MYO9B: variants seen among roughly 807,000 people sequenced by gnomAD.
MYO9B encodes the protein myosin IXB.
Under a neutral mutation model 229.5 loss-of-function variants are expected in MYO9B, and 71 were observed. The ratio of observed to expected loss-of-function variants is 0.31; its 90% CI spans 0.26 to 0.38. The LOEUF (loss-of-function observed/expected upper bound fraction) is 0.38. Among genes scored for constraint, MYO9B ranks in the 10% least tolerant of loss-of-function variants. The pLI, the probability that MYO9B is intolerant of heterozygous loss-of-function variation, is 1.00. For synonymous variants in MYO9B, 1,185 were observed against 1,235.8 expected, an observed-to-expected ratio of 0.96 and a Z score of 0.86; for missense variants, 2,255 against 2,920.5, an observed-to-expected ratio of 0.77 and a Z score of 5.25.
chr19:17,172,976 G>T lies in MYO9B; in HGVS notation c.2140+13G>T, dbSNP rs746386593. On this transcript the variant is annotated intron_variant, in intron 13 of 39. Transcript: ENST00000682292. This position sits in a 1 kb window ranked among gnomAD's most constrained non-coding sequence, Gnocchi z 8.2. Reference sequence around the variant, plus strand: ...GAAAAGGCTGCAGGTGGGAGCTGGGGCGTGAACCCACAAAAGCGTCACTGT... The same window carrying T: ...GAAAAGGCTGCAGGTGGGAGCTGGGTCGTGAACCCACAAAAGCGTCACTGT... 1 of 1,595,478 alleles carries T rather than the reference G, an allele frequency of 6.3e-7. No homozygotes were observed. The highest frequency in any genetic ancestry group is 8.5e-7 in the Non-Finnish European group (1 of 1,178,100).
chr19:17,207,040 G>T (rs1451194740), intron 34 of MYO9B, 73 bp from the exon 35 acceptor site: 2 of 1,562,936 alleles, frequency 1.3e-6, no homozygotes, highest in South Asian at 2.3e-5. Flanking sequence ...GGGCTCAGAA[G>T]TTCAGTCTCG....
At chr19:17,100,110 C>T (rs1478245171) in intron 1 of MYO9B, among the ~76,000 whole-genome samples, 3 of 142,622 alleles carry the variant, frequency 2.1e-5, no homozygotes, top group Admixed American at 7.1e-5. Context: ...CAACAAAGAG[C>T]GAAACTCCAT....
intron 2 of MYO9B, among the ~76,000 whole-genome samples, chr19:17,143,246 A>C (rs963858837): frequency 4.0e-5 from 6 of 151,002 alleles, no homozygotes; most frequent in Non-Finnish European, 8.9e-5. Context: ...TCAAAAAAAA[A>C]ACAAACAAAC....
intron 14 of MYO9B, among the ~76,000 whole-genome samples, chr19:17,179,848 G>A (rs1208926825): frequency 1.3e-5 from 2 of 150,090 alleles, no homozygotes; most frequent in Admixed American, 1.3e-4. Context: ...GCAGTGAGCT[G>A]AGATCGCACC....
At position 17,102,203 on chromosome 19, in the gene MYO9B, C is replaced by T. The variant is rs1474376655; in HGVS notation, c.486C>T (p.Leu162=). 3 of 1,613,998 alleles carry T rather than the reference C, an allele frequency of 1.9e-6. No individual in the cohort carries two copies. The highest frequency in any genetic ancestry group is 2.5e-6 in the Non-Finnish European group (3 of 1,179,898). The change falls in exon 2 of 40, where the codon CTC becomes CTT. Residue 162 remains leucine (L), a synonymous_variant. Transcript: ENST00000682292. ...TCCCCGAGCTAACCGAGGGCAACCT[C>T]CTGAAGAACCTCAAGCACCGCTTCC... ...CNLPELTEGN[L]LKNLKHRFLQ... is the part of the protein sequence containing the mutation.
Position 17,200,455 on chromosome 19 carries a change from C to G in MYO9B, c.4372+29C>G, listed in dbSNP as rs1381981473. 7 of 1,549,256 alleles carry G rather than the reference C, an allele frequency of 4.5e-6. No individual in the cohort carries two copies. The Admixed American group carries it at 6.1e-5, about 14-fold the overall frequency. ...GGTAGCCTGCAGCCTCAGGGACAGA[C>G]AGTAGAGCCACCAGTGCCCCTGGGG... On this transcript the variant is annotated intron_variant, in intron 25 of 39. Coordinates refer to ENST00000682292, the MANE Select transcript of MYO9B (RefSeq NM_004145.4).
At chr19:17,137,178 A>C (rs2072281031) in intron 2 of MYO9B, among the ~76,000 whole-genome samples, 1 of 151,424 alleles carries the variant, frequency 6.6e-6, no homozygotes, top group Admixed American at 6.6e-5. Flanking sequence ...CAGTGAGCCA[A>C]GATTGTGCCA....
chr19:17,198,062 C>CAAA, intron 23 of MYO9B, 122 bp from the exon 24 acceptor site: 4 of 1,180,856 alleles, frequency 3.4e-6, no homozygotes, highest in Admixed American at 2.9e-5. Context: ...GACTCCGTTT[C>CAAA]AAAAAAAAAA....
intron 15 of MYO9B, among the ~76,000 whole-genome samples, chr19:17,182,275 C>G (rs183115147): frequency 6.6e-6 from 1 of 152,100 alleles, no homozygotes; most frequent in East Asian, 1.9e-4. Context: ...TGGAATCTTG[C>G]TATGTTATAG....
At position 17,207,151 on chromosome 19, in the gene MYO9B, G is replaced by A. The variant is rs2073171508; in HGVS notation, c.5531G>A (p.Gly1844Glu). The change falls in exon 35 of 40, where the codon GGG (glycine) becomes GAG (glutamate). Residue 1844 changes from glycine (G) to glutamate (E), a missense_variant. Physicochemically the swap from Gly to Glu is moderately conservative, Grantham distance 98 (BLOSUM62 -2). Around this residue, in one of 7 missense-constraint regions of MYO9B, gnomAD observed 416 missense variants for 605.5 expected, o/e 0.69. Transcript: ENST00000682292. ...LLEDVNRMSP[G>E]ALAIIFAPCL... ...GAGGATGTCAACCGCATGTCACCTG[G>A]GGCGCTGGCCATTATCTTCGCACCC... The A allele has an allele frequency of 6.2e-7, 1 of 1,608,936 alleles. No individual in the cohort carries two copies. The highest frequency in any genetic ancestry group is 1.1e-5 in the South Asian group (1 of 90,128).
At chr19:17,183,546 G>T (rs895607419) in intron 15 of MYO9B, among the ~76,000 whole-genome samples, 4 of 152,134 alleles carry the variant, frequency 2.6e-5, no homozygotes, top group Non-Finnish European at 4.4e-5. Flanking sequence ...TCAGACATCC[G>T]AATGGCCCCC....
chr19:17,101,585 A>G lies in MYO9B; in HGVS notation c.-58-75A>G, dbSNP rs2057744863. ...GCATCGGGTCAGGTGCTATCTGCCC[A>G]GGAGTGGGACTCCACATGCCCCTTA... On this transcript the variant is annotated intron_variant, in intron 1 of 39. Transcript: ENST00000682292. The surrounding 1 kb of genome is among the most constrained non-coding windows in gnomAD (Gnocchi z 4.7). The G allele has an allele frequency of 1.5e-6, 2 of 1,362,742 alleles. No individual in the cohort carries two copies. The highest frequency in any genetic ancestry group is 1.5e-5 in the African/African-American group (1 of 68,032). 84.4% of individuals were successfully genotyped at this position (1,362,742 alleles called of 1,614,324 possible).
intron 2 of MYO9B, among the ~76,000 whole-genome samples, chr19:17,129,061 G>T (rs968554450): frequency 6.6e-6 from 1 of 152,158 alleles, no homozygotes; most frequent in Non-Finnish European, 1.5e-5. Context: ...TGAGCAGGGG[G>T]GTGGAGGCTT....
chr19:17,202,759 C>T lies in MYO9B; in HGVS notation c.4837-83C>T, dbSNP rs771343285. The T allele has an allele frequency of 4.9e-5, 69 of 1,399,958 alleles. 2 individuals are homozygous for T. The Middle Eastern group carries it at 4.0e-3, about 81-fold the overall frequency. 86.7% of individuals were successfully genotyped at this position (1,399,958 alleles called of 1,614,324 possible). A position where few individuals can be genotyped will look rare whatever the true frequency, so the allele number is the denominator to read the frequency against. ...TGAGGGAGGGTTCAGGGTACCCACA[C>T]GCCTGAGTTATGGGGTGCCAGGGGT... On this transcript the variant is annotated intron_variant, in intron 28 of 39. Transcript: ENST00000682292.
At chr19:17,110,445 C>G (rs544090446) in intron 2 of MYO9B, among the ~76,000 whole-genome samples, 1 of 152,150 alleles carries the variant, frequency 6.6e-6, no homozygotes, top group Non-Finnish European at 1.5e-5. Flanking sequence ...GGGGTCTCGC[C>G]GCAAAGCACA....
At chr19:17,167,048 G>C (rs769349737) in intron 10 of MYO9B, among the ~76,000 whole-genome samples, 4 of 151,978 alleles carry the variant, frequency 2.6e-5, no homozygotes, top group Non-Finnish European at 5.9e-5. Context: ...GGGAGCAGAA[G>C]TGTCTCAGGT....
intron 1 of MYO9B, among the ~76,000 whole-genome samples, chr19:17,085,192 C>T (rs771420649): frequency 6.6e-6 from 1 of 152,106 alleles, no homozygotes; most frequent in African/African-American, 2.4e-5. Context: ...AGACCATTGT[C>T]CCCCACCATC....
At chr19:17,156,808 A>G in intron 6 of MYO9B, 101 bp from the exon 7 acceptor site, 1 of 1,384,610 alleles carries the variant, frequency 7.2e-7, no homozygotes, top group Non-Finnish European at 9.8e-7. Context: ...CGTTCCGACC[A>G]GAATTTGCTG....
chr19:17,098,503 G>A (rs1187367464), intron 1 of MYO9B, among the ~76,000 whole-genome samples: 1 of 152,162 alleles, frequency 6.6e-6, no homozygotes, highest in East Asian at 1.9e-4. Flanking sequence ...GCCTGGCTTT[G>A]GGCCTCATCT....
Sources: allele counts gnomAD v4.1 joint callset (sites outside exome capture counted in the v4.1 genomes callset), GRCh38; gene constraint gnomAD v4.1.1; regional missense constraint gnomAD v4.1.1; non-coding constraint Gnocchi (gnomAD v3.1); transcripts MANE v1.5; gene names NCBI Gene and HGNC (gene_info 2026-07-23, HGNC 2026-07-21).